Variants in BLTP2 observed in about 807,000 individuals in gnomAD.
BLTP2 encodes bridge-like lipid transfer protein family member 2, also known as U937-associated antigen.
chr17:28,625,334 C>CAAAAAAAAAAAAAAAAAAAAAAAAAAA, the BLTP2 span, among the ~76,000 whole-genome samples: 11 of 29,060 alleles, frequency 3.8e-4, no homozygotes, highest in South Asian at 1.9e-3. Context: ...GACTCCGTCT[C>CAAAAAAAAAAAAAAAAAAAAAAAAAAA]AAAAAAAAAA....
At chr17:28,634,186 C>A in the BLTP2 span, 2 of 1,057,648 alleles carry the variant, frequency 1.9e-6, no homozygotes, top group Non-Finnish European at 2.7e-6. Context: ...TCTATATTTA[C>A]AAAGTCAATT....
At chr17:28,621,989 T>C in the BLTP2 span, among the ~76,000 whole-genome samples, 1 of 152,086 alleles carries the variant, frequency 6.6e-6, no homozygotes, top group Non-Finnish European at 1.5e-5. Context: ...CCACAGCAGA[T>C]GGTGGATCTG....
the BLTP2 span, chr17:28,624,149 C>T: frequency 6.7e-7 from 1 of 1,492,468 alleles, no homozygotes; most frequent in South Asian, 1.3e-5. Context: ...CTCTATTCAC[C>T]CATTCATATT....
the BLTP2 span, among the ~76,000 whole-genome samples, chr17:28,626,092 CATG>C: frequency 6.6e-6 from 1 of 152,106 alleles, no homozygotes; most frequent in Non-Finnish European, 1.5e-5. Flanking sequence ...ACTGAGACAC[CATG>C]ATAGTTTCCT....
the BLTP2 span, among the ~76,000 whole-genome samples, chr17:28,615,451 T>C: frequency 6.6e-6 from 1 of 152,246 alleles, no homozygotes; most frequent in Non-Finnish European, 1.5e-5. Context: ...CTCAGTTCCC[T>C]AAAATCAATG....
the BLTP2 span, chr17:28,614,559 T>A: frequency 5.7e-6 from 1 of 174,432 alleles, no homozygotes; most frequent in African/African-American, 2.4e-5. Flanking sequence ...ACTGCCATCC[T>A]CCCAAGTGAA....
chr17:28,615,024 CAG>C, the BLTP2 span: 1 of 1,571,306 alleles, frequency 6.4e-7, no homozygotes, highest in African/African-American at 1.4e-5. Flanking sequence ...GAGCCTGAGC[CAG>C]AGTCAGATCC....
At chr17:28,644,914 TCA>T in the BLTP2 span, 1 of 1,239,854 alleles carries the variant, frequency 8.1e-7, no homozygotes, top group Admixed American at 2.2e-5. Flanking sequence ...CGCCCCCTCC[TCA>T]GTCTTTCTTC....
At chr17:28,615,476 A>C in the BLTP2 span, among the ~76,000 whole-genome samples, 2 of 152,222 alleles carry the variant, frequency 1.3e-5, no homozygotes, top group African/African-American at 2.4e-5. Context: ...TATACGAAAC[A>C]CTCAGTAAAC....
the BLTP2 span, among the ~76,000 whole-genome samples, chr17:28,629,063 C>T: frequency 2.0e-5 from 3 of 151,844 alleles, no homozygotes; most frequent in South Asian, 2.1e-4. Context: ...TATCAAAAAA[C>T]GTTTTCAGAG....
At chr17:28,617,293 T>G in the BLTP2 span, 2 of 1,614,160 alleles carry the variant, frequency 1.2e-6, no homozygotes, top group Non-Finnish European at 1.7e-6. Context: ...CAGAAGATGT[T>G]CTGCTGTGTC....
chr17:28,639,295 C>A, the BLTP2 span: 2 of 1,613,662 alleles, frequency 1.2e-6, no homozygotes, highest in Non-Finnish European at 1.7e-6. Flanking sequence ...AAGAAGGTGG[C>A]TGAAAAAGAT....
At chr17:28,635,144 G>T in the BLTP2 span, 1 of 1,613,850 alleles carries the variant, frequency 6.2e-7, no homozygotes, top group Non-Finnish European at 8.5e-7. Flanking sequence ...AGCCAAACAC[G>T]GTTCCGGAGG....
the BLTP2 span, chr17:28,640,018 T>C: frequency 1.9e-6 from 3 of 1,613,442 alleles, no homozygotes; most frequent in Non-Finnish European, 1.7e-6. Context: ...AGAGTCCAAG[T>C]CAGGTGCCTG....
chr17:28,631,078 C>T, the BLTP2 span, among the ~76,000 whole-genome samples: 1 of 152,162 alleles, frequency 6.6e-6, no homozygotes, highest in Non-Finnish European at 1.5e-5. Flanking sequence ...ACTGTGTTCC[C>T]CCCAAATTCA....
the BLTP2 span, chr17:28,614,461 C>CT: frequency 1.0e-3 from 422 of 419,602 alleles, no homozygotes; most frequent in Middle Eastern, 2.0e-3. Context: ...TTTAAAATAT[C>CT]TTTTTTTTTC....
the BLTP2 span, chr17:28,633,560 G>A: frequency 6.2e-7 from 1 of 1,614,058 alleles, no homozygotes; most frequent in Non-Finnish European, 8.5e-7. Context: ...TCAGTGGCCA[G>A]CTGGTGCAGG....
At chr17:28,633,055 G>A in the BLTP2 span, 3 of 1,592,434 alleles carry the variant, frequency 1.9e-6, no homozygotes, top group Non-Finnish European at 2.6e-6. Context: ...GAACTCTGGG[G>A]CCCGCAGAGT....
chr17:28,621,743 A>G, the BLTP2 span, among the ~76,000 whole-genome samples: 1 of 152,184 alleles, frequency 6.6e-6, no homozygotes, highest in Non-Finnish European at 1.5e-5. Context: ...ACAGGTCTCG[A>G]GCCAGAAAAA....
Sources: allele counts gnomAD v4.1 joint callset (sites outside exome capture counted in the v4.1 genomes callset), GRCh38; gene constraint gnomAD v4.1.1; transcripts MANE v1.5; gene names NCBI Gene and HGNC (gene_info 2026-07-23, HGNC 2026-07-21).